The following IDI1 variants were observed in gnomAD, a reference collection of about 807,000 sequenced individuals.
IDI1 encodes the protein isopentenyl-diphosphate Delta-isomerase 1.
A neutral mutation model predicts 32.9 loss-of-function variants in IDI1; 23 were observed. The ratio of observed to expected loss-of-function variants is 0.70; its 90% confidence interval spans 0.50 to 0.99. IDI1 has a LOEUF of 0.99. Ranked by LOEUF, IDI1 falls within the 50% of genes least tolerant of loss-of-function variation. The probability of loss-of-function intolerance (pLI) is 0.00; values close to 1 mark genes in which losing one functional copy is unlikely to be tolerated. For missense variants in IDI1, 326 were observed against 351.9 expected (o/e 0.93, Z 0.59); for synonymous variants, 133 against 128.2 (o/e 1.04, Z -0.25).
chr10:1,046,070 T>C (rs1832801627), intron 1 of IDI1, among the ~76,000 whole-genome samples: 3 of 152,242 alleles, frequency 2.0e-5, no homozygotes, highest in African/African-American at 7.2e-5. Context: ...TAGTTTTATA[T>C]ACAGTCATCC....
At chr10:1,055,648 C>T in the IDI1 span, among the ~76,000 whole-genome samples, 1 of 152,056 alleles carries the variant, frequency 6.6e-6, no homozygotes, top group African/African-American at 2.4e-5. Flanking sequence ...CCTTGGCGTT[C>T]CTCTTACAGA....
the IDI1 span, among the ~76,000 whole-genome samples, chr10:1,055,407 T>A: frequency 3.0e-3 from 455 of 152,324 alleles, 2 homozygotes; most frequent in African/African-American, 0.01. Context: ...AAAAATTACA[T>A]TAGCGATATT....
chr10:1,041,738 GT>G (rs368569740), intron 4 of IDI1, among the ~76,000 whole-genome samples: 2,340 of 135,198 alleles, frequency 0.017, 48 homozygotes, highest in East Asian at 0.099. Context: ...GATCAGATAA[GT>G]TTTTTTTTTT....
At chr10:1,049,839 AG>A (rs1331155686), upstream of IDI1, among the ~76,000 whole-genome samples, 1 of 152,140 alleles carries the variant, frequency 6.6e-6, no homozygotes, top group Non-Finnish European at 1.5e-5. Context: ...TTTTTAGTAG[AG>A]ACGGGTTTCC....
chr10:1,040,974 CA>C lies in IDI1; in HGVS notation c.*212del, dbSNP rs1832558598. ...ATCTCTCACAAATGTCGCTTAGAAA[CA>C]GAACACATATCCAGGGTGTGTGATA... is the stretch of plus-strand genomic sequence containing the variant. On this transcript the variant is annotated 3_prime_UTR_variant, in exon 5 of 5. Transcript: ENST00000381344. The C allele has an allele frequency of 2.3e-6, 1 of 433,136 alleles. No individual in the cohort carries two copies. The allele number at this position is 433,136 out of a possible 1,614,324, so 26.8% of individuals were successfully genotyped here.
At chr10:1,050,432 C>A (rs1360599076), upstream of IDI1, among the ~76,000 whole-genome samples, 1 of 151,818 alleles carries the variant, frequency 6.6e-6, no homozygotes, top group African/African-American at 2.4e-5. Context: ...ACCAATTTTA[C>A]CAGAGGCTAA....
Position 1,040,440 on chromosome 10 carries a change from T to C in IDI1, c.*747A>G, listed in dbSNP as rs1440118339. The C allele has an allele frequency of 1.3e-5, 2 of 152,292 alleles. No individual in the cohort carries two copies. The highest frequency in any genetic ancestry group is 2.9e-5 in the Non-Finnish European group (2 of 68,082). 9.4% of individuals were successfully genotyped at this position (152,292 alleles called of 1,614,324 possible). A position where few individuals can be genotyped will look rare whatever the true frequency, so the allele number is the denominator to read the frequency against. On this transcript the variant is annotated 3_prime_UTR_variant, in exon 5 of 5. Coordinates refer to ENST00000381344, the MANE Select transcript of IDI1 (RefSeq NM_004508.4). ...CAACAGTGTCAAGTTTAAGCAACTC[T>C]TACCGAGTGGGACTCAATTCCCATT...
intron 2 of IDI1, chr10:1,043,636 T>C (rs1198474031): frequency 3.0e-6 from 2 of 656,774 alleles, no homozygotes; most frequent in South Asian, 1.5e-5. Flanking sequence ...TCAAGTTCCC[T>C]ATCAAGGACA....
At chr10:1,047,723 ACTT>A (rs1268221805) in intron 1 of IDI1, among the ~76,000 whole-genome samples, 1 of 152,178 alleles carries the variant, frequency 6.6e-6, no homozygotes, top group Non-Finnish European at 1.5e-5. Context: ...CTAACAATGA[ACTT>A]CTCCAAAGTA....
chr10:1,055,567 TTA>T, the IDI1 span, among the ~76,000 whole-genome samples: 2 of 152,230 alleles, frequency 1.3e-5, no homozygotes, highest in Admixed American at 6.5e-5. Flanking sequence ...CTAAATAAAA[TTA>T]TGTTACTTAA....
chr10:1,043,640 A>G (rs1472169801), intron 2 of IDI1: 4 of 654,130 alleles, frequency 6.1e-6, no homozygotes, highest in Non-Finnish European at 1.1e-5. Context: ...GTTCCCTATC[A>G]AGGACATTCA....
chr10:1,048,498 C>T, intron 1 of IDI1: 1 of 1,247,436 alleles, frequency 8.0e-7, no homozygotes, highest in Non-Finnish European at 1.0e-6. Flanking sequence ...ACGCTTGTTT[C>T]TGAATTCTCT....
intron 1 of IDI1, among the ~76,000 whole-genome samples, chr10:1,047,849 T>C (rs942145311): frequency 6.6e-5 from 10 of 152,270 alleles, no homozygotes; most frequent in African/African-American, 2.4e-4. Context: ...GTTTACAGAA[T>C]AAGTCTGTAT....
Position 1,040,964 on chromosome 10 carries a change from C to G in IDI1, c.*223G>C. Reference sequence around the variant, plus strand: ...TTTTACAATAATCTCTCACAAATGTCGCTTAGAAACAGAACACATATCCAG... The same window carrying G: ...TTTTACAATAATCTCTCACAAATGTGGCTTAGAAACAGAACACATATCCAG... On this transcript the variant is annotated 3_prime_UTR_variant, in exon 5 of 5. Transcript: ENST00000381344. 2.5e-6 allele frequency: 1 copy of G among 403,322 alleles called. No individual in the cohort carries two copies. The highest frequency in any genetic ancestry group is 3.7e-5 in the East Asian group (1 of 26,746). The allele number at this position is 403,322 out of a possible 1,614,324, so 25.0% of individuals were successfully genotyped here. A position where few individuals can be genotyped will look rare whatever the true frequency, so the allele number is the denominator to read the frequency against.
At chr10:1,047,615 A>C (rs1589055263) in intron 1 of IDI1, among the ~76,000 whole-genome samples, 2 of 143,226 alleles carry the variant, frequency 1.4e-5, no homozygotes, top group African/African-American at 2.6e-5. Context: ...TACACCACAC[A>C]GCCCAGCTGC....
At chr10:1,056,032 C>T in the IDI1 span, among the ~76,000 whole-genome samples, 2 of 152,130 alleles carry the variant, frequency 1.3e-5, no homozygotes, top group African/African-American at 2.4e-5. Flanking sequence ...TGGTCTCGAC[C>T]TCCTAATCTC....
Position 1,048,899 on chromosome 10 carries a change from C to T in IDI1, c.105G>A (p.Pro35=), listed in dbSNP as rs767387051. 6.2e-7 allele frequency: 1 copy of T among 1,606,876 alleles called. No homozygotes were observed. Reference sequence around the variant, plus strand: ...TCCGGCCACAGACAACCGCCGGTCCCGGATGGCGCCCGCTTTGAGCACAGT... The same window carrying T: ...TCCGGCCACAGACAACCGCCGGTCCTGGATGGCGCCCGCTTTGAGCACAGT... ...AADCAQSGRH[P]GPAVVCGRRL... Residue 35 remains proline, a synonymous_variant, in exon 1 of 5, where the codon CCG becomes CCA. Transcript: ENST00000381344.
chr10:1,048,775 A>T, intron 1 of IDI1, 89 bp downstream of exon 1: 1 of 1,532,114 alleles, frequency 6.5e-7, no homozygotes, highest in Middle Eastern at 2.3e-4. Flanking sequence ...CGGGTGGCTC[A>T]GACCTCGGGC....
At chr10:1,041,738 G>GTT (rs368569740) in intron 4 of IDI1, among the ~76,000 whole-genome samples, 9 of 135,306 alleles carry the variant, frequency 6.7e-5, no homozygotes, top group African/African-American at 2.4e-4. Context: ...GATCAGATAA[G>GTT]TTTTTTTTTT....
Sources: allele counts gnomAD v4.1 joint callset (sites outside exome capture counted in the v4.1 genomes callset), GRCh38; gene constraint gnomAD v4.1.1; transcripts MANE v1.5; gene names NCBI Gene and HGNC (gene_info 2026-07-23, HGNC 2026-07-21).